Variants in ATF6 observed in about 807,000 individuals in gnomAD.
ATF6 encodes the protein activating transcription factor 6.
In ATF6, 53 loss-of-function variants were observed where a neutral mutation model predicts 83.6. The observed-to-expected ratio is 0.63, with a 90% CI of 0.51 to 0.80. ATF6 has a LOEUF of 0.80. Ranked by LOEUF, ATF6 falls within the 30% of genes least tolerant of loss-of-function variation. The pLI is 0.00. For missense variants in ATF6, 744 were observed against 797.9 expected, an observed-to-expected ratio of 0.93 and a Z score of 0.81; for synonymous variants, 288 against 285.8, an observed-to-expected ratio of 1.01 and a Z score of -0.08.
chr1:161,821,188 C>A, intron 9 of ATF6, 27 bp downstream of exon 9: 1 of 1,450,292 alleles, frequency 6.9e-7, no homozygotes, highest in Non-Finnish European at 9.5e-7. Flanking sequence ...TTATTTTGGA[C>A]ACTAATGCTA....
chr1:161,923,305 C>T (rs1329378582), intron 15 of ATF6, among the ~76,000 whole-genome samples: 1 of 152,054 alleles, frequency 6.6e-6, no homozygotes, highest in African/African-American at 2.4e-5. Context: ...TTAATATATA[C>T]TTAGAGTTGG....
At chr1:161,913,752 T>C (rs146064653) in intron 15 of ATF6, among the ~76,000 whole-genome samples, 23 of 152,346 alleles carry the variant, frequency 1.5e-4, no homozygotes, top group African/African-American at 5.5e-4. Flanking sequence ...GTCTCACTTA[T>C]ACTCAATCTA....
rs1206935175 is a variant in ATF6, at chr1:161,781,938, T to G, written c.186T>G (p.Phe62Leu). 9 of 1,610,816 alleles carry G rather than the reference T, an allele frequency of 5.6e-6. No homozygotes were observed. Among genetic ancestry groups the G allele is most frequent in the Non-Finnish European group, 7.6e-6 (9 of 1,178,598 alleles). The stretch of plus-strand genomic sequence containing the variant: ...AAAACAATTTTGATAATCTTGATTT[T>G]GATTTGGATTTGATGCCTTGGGAGT... ...TYENNFDNLD[F>L]DLDLMPWESD... The change falls in exon 3 of 16, where the codon TTT becomes TTG. Residue 62 changes from phenylalanine to leucine, a missense_variant. By Grantham distance (22) the Phe-to-Leu change is conservative. Coordinates refer to ENST00000367942, the MANE Select transcript of ATF6 (RefSeq NM_007348.4).
chr1:161,927,338 T>TA (rs766292620), intron 15 of ATF6, among the ~76,000 whole-genome samples: 99 of 152,278 alleles, frequency 6.5e-4, no homozygotes, highest in Non-Finnish European at 1.2e-3. Flanking sequence ...AAATATAATG[T>TA]AAAAAACATT....
At chr1:161,771,807 C>T (rs1435267448) in intron 1 of ATF6, among the ~76,000 whole-genome samples, 5 of 152,100 alleles carry the variant, frequency 3.3e-5, no homozygotes, top group Admixed American at 1.3e-4. Context: ...AACATTTTGC[C>T]ACTAGCTTAC....
intron 14 of ATF6, among the ~76,000 whole-genome samples, chr1:161,877,454 G>A (rs1291841401): frequency 1.3e-5 from 2 of 152,086 alleles, no homozygotes; most frequent in African/African-American, 4.8e-5. Context: ...GCATATGAAG[G>A]CAGTTAAGTA....
At chr1:161,920,294 C>CTCTTTTTTTTTTTTTTTT (rs1157916734) in intron 15 of ATF6, among the ~76,000 whole-genome samples, 31 of 54,840 alleles carry the variant, frequency 5.7e-4, no homozygotes, top group Non-Finnish European at 8.6e-4. Flanking sequence ...CTCTCTCTCT[C>CTCTTTTTTTTTTTTTTTT]TTTTTTTTTT....
rs1273523192 is a variant in ATF6 at position 161,959,502 on chromosome 1, C to T, written c.*848C>T. 1 of 151,922 alleles carries T rather than the reference C, an allele frequency of 6.6e-6. No homozygotes were observed. The highest frequency in any genetic ancestry group is 1.5e-5 in the Non-Finnish European group (1 of 67,998). 9.4% of individuals were successfully genotyped at this position (151,922 alleles called of 1,614,324 possible). A position where few individuals can be genotyped will look rare whatever the true frequency, so the allele number is the denominator to read the frequency against. On this transcript the variant is annotated 3_prime_UTR_variant, in exon 16 of 16. Transcript: ENST00000367942. ...CGGCTAAAACGGTGAAACCCCGTCT[C>T]TACTAAAAATACAAAAAATTAGCCG...
chr1:161,847,665 A>G (rs914591036), intron 10 of ATF6, among the ~76,000 whole-genome samples: 1 of 152,126 alleles, frequency 6.6e-6, no homozygotes, highest in Non-Finnish European at 1.5e-5. Flanking sequence ...GTTTAATAGT[A>G]TATTTAATTT....
chr1:161,950,809 C>T (rs1688848216), intron 15 of ATF6, among the ~76,000 whole-genome samples: 1 of 152,138 alleles, frequency 6.6e-6, no homozygotes, highest in Non-Finnish European at 1.5e-5. Flanking sequence ...AATCAGATGT[C>T]AGTTTGGTAG....
intron 9 of ATF6, among the ~76,000 whole-genome samples, chr1:161,828,632 A>G (rs1314567264): frequency 6.6e-6 from 1 of 152,180 alleles, no homozygotes; most frequent in Admixed American, 6.5e-5. Context: ...TTAAGTACCT[A>G]TCTTGGTTTT....
At chr1:161,920,368 C>T (rs1326431168) in intron 15 of ATF6, among the ~76,000 whole-genome samples, 14 of 132,882 alleles carry the variant, frequency 1.1e-4, no homozygotes, top group Admixed American at 8.4e-4. Context: ...GATCTTGGCT[C>T]GCTGCAACCT....
At position 161,782,017 on chromosome 1, in the gene ATF6, T is replaced by C. The variant is rs201520644; in HGVS notation, c.247+18T>C. On this transcript the variant is annotated intron_variant, in intron 3 of 15. Coordinates refer to ENST00000367942, the MANE Select transcript of ATF6 (RefSeq NM_007348.4). ...CTGTACAGGTAATTATGTGTTTCACTGGTAAAAGTTTTAAAAAGATCAATT... is the reference window on the plus strand; with the variant it reads ...CTGTACAGGTAATTATGTGTTTCACCGGTAAAAGTTTTAAAAAGATCAATT... 7.2e-6 allele frequency: 11 copies of C among 1,529,232 alleles called. No homozygotes were observed. In the Admixed American group the frequency reaches 1.2e-4, roughly 16 times the overall value. 94.7% of individuals were successfully genotyped at this position (1,529,232 alleles called of 1,614,324 possible). A position where few individuals can be genotyped will look rare whatever the true frequency, so the allele number is the denominator to read the frequency against.
chr1:161,866,943 T>C (rs1404655275), intron 14 of ATF6, among the ~76,000 whole-genome samples: 3 of 151,930 alleles, frequency 2.0e-5, no homozygotes, highest in Non-Finnish European at 2.9e-5. Flanking sequence ...AGAGATGGGG[T>C]CTCACTTTGT....
chr1:161,834,778 T>TA (rs1686169607), intron 9 of ATF6, among the ~76,000 whole-genome samples: 1 of 151,842 alleles, frequency 6.6e-6, no homozygotes, highest in Admixed American at 6.6e-5. Context: ...AGTATAATAA[T>TA]AATAATAACA....
chr1:161,882,724 A>G (rs1245866383), intron 14 of ATF6, among the ~76,000 whole-genome samples: 1 of 149,210 alleles, frequency 6.7e-6, no homozygotes, highest in Non-Finnish European at 1.5e-5. Flanking sequence ...TTTTTTTTGT[A>G]GAAAATCAGG....
At chr1:161,882,746 T>G (rs1189425084) in intron 14 of ATF6, among the ~76,000 whole-genome samples, 1 of 151,616 alleles carries the variant, frequency 6.6e-6, no homozygotes, top group Admixed American at 6.6e-5. Flanking sequence ...AGCATGGGCT[T>G]TGGAGTCAGA....
At chr1:161,814,560 A>G (rs997785123) in intron 7 of ATF6, among the ~76,000 whole-genome samples, 1 of 152,224 alleles carries the variant, frequency 6.6e-6, no homozygotes, top group Non-Finnish European at 1.5e-5. Flanking sequence ...ATAATCTGCC[A>G]AATAAATGGT....
chr1:161,958,450 T>C lies in ATF6; in HGVS notation c.1809T>C (p.Asn603=). The change falls in exon 16 of 16, where the codon AAT becomes AAC. Residue 603 remains asparagine (N), a synonymous_variant. Coordinates refer to ENST00000367942, the MANE Select transcript of ATF6 (RefSeq NM_007348.4). ...TGTGTATATTCCTGTCTGCAGAGAA[T>C]GTGATCAATGGGCAGGACTACGAAG... ...IVLPAININE[N]VINGQDYEVM... is the part of the protein sequence containing the mutation. The C allele has an allele frequency of 6.2e-7, 1 of 1,601,594 alleles. No homozygotes were observed. Among genetic ancestry groups the C allele is most frequent in the Non-Finnish European group, 8.5e-7 (1 of 1,173,146 alleles).
Sources: allele counts gnomAD v4.1 joint callset (sites outside exome capture counted in the v4.1 genomes callset), GRCh38; gene constraint gnomAD v4.1.1; transcripts MANE v1.5; gene names NCBI Gene and HGNC (gene_info 2026-07-23, HGNC 2026-07-21).